Variants in EXOC2 observed in about 807,000 individuals in gnomAD.
EXOC2 encodes the protein SEC5-like 1.
EXOC2 carries 70 observed loss-of-function variants against 131.8 expected under a neutral mutation model. The observed-to-expected ratio is 0.53, with a 90% CI of 0.44 to 0.65. EXOC2 has a LOEUF of 0.65. Among genes scored for constraint, EXOC2 ranks in the 30% least tolerant of loss-of-function variants. The pLI is 0.00. For missense variants in EXOC2, 923 were observed against 1,108.6 expected, an observed-to-expected ratio of 0.83 and a Z score of 2.38; for synonymous variants, 411 against 398.4, an observed-to-expected ratio of 1.03 and a Z score of -0.38.
chr6:537,153 TGACCGACGGAGCGTACACTTGAGTTGAC>T (rs1184322088), intron 22 of EXOC2, among the ~76,000 whole-genome samples: 109 of 152,276 alleles, frequency 7.2e-4, no homozygotes, highest in African/African-American at 2.3e-3. Context: ...ACCGAGTTTA[TGACCGACGGAGCGTACACTTGAGTTGAC>T]GACCGACGGA....
chr6:661,293 C>T (rs935775665), intron 1 of EXOC2, among the ~76,000 whole-genome samples: 2 of 152,152 alleles, frequency 1.3e-5, no homozygotes, highest in African/African-American at 4.8e-5. Context: ...ACAAAGAACA[C>T]CTGGGAAATT....
intron 1 of EXOC2, among the ~76,000 whole-genome samples, chr6:659,301 A>C (rs1763305411): frequency 6.6e-6 from 1 of 152,222 alleles, no homozygotes; most frequent in Non-Finnish European, 1.5e-5. Flanking sequence ...CTAATGACGA[A>C]TCCTCTAGAG....
chr6:488,423 C>A (rs1763219278), intron 27 of EXOC2, among the ~76,000 whole-genome samples: 1 of 152,174 alleles, frequency 6.6e-6, no homozygotes, highest in South Asian at 2.1e-4. Flanking sequence ...GTTTCCTGTT[C>A]TATGAGTAGT....
chr6:651,993 T>A (rs866603978), intron 1 of EXOC2, among the ~76,000 whole-genome samples: 1 of 151,522 alleles, frequency 6.6e-6, no homozygotes, highest in Non-Finnish European at 1.5e-5. Flanking sequence ...GAGGCGAAGG[T>A]TGCAGTGAGC....
intron 22 of EXOC2, among the ~76,000 whole-genome samples, chr6:534,477 A>G (rs1220533953): frequency 6.6e-6 from 1 of 152,164 alleles, no homozygotes; most frequent in East Asian, 1.9e-4. Flanking sequence ...CTGACTTTCA[A>G]GCTTCTAGAT....
intron 1 of EXOC2, among the ~76,000 whole-genome samples, chr6:647,658 T>C (rs1350637853): frequency 2.2e-5 from 3 of 134,854 alleles, no homozygotes; most frequent in South Asian, 5.8e-4. Context: ...ACTGGGGCTC[T>C]GGCTCACTCT....
intron 11 of EXOC2, among the ~76,000 whole-genome samples, chr6:586,328 G>A (rs1243895391): frequency 6.6e-6 from 1 of 152,194 alleles, no homozygotes; most frequent in Non-Finnish European, 1.5e-5. Context: ...TCTGATGGGG[G>A]CACTGCGGGC....
rs114874381 is a variant in EXOC2 at position 651,014 on chromosome 6, T to C, written c.-43-13153A>G. 9.9e-3 allele frequency among the ~76,000 whole-genome samples: 1,439 copies of C among 145,730 alleles called. 10 individuals carry two copies. Among genetic ancestry groups the C allele is most frequent in the Non-Finnish European group, 0.015 (1,010 of 67,114 alleles). Reference sequence around the variant, plus strand: ...TGCAGATCTTATAACTTCCTCACTGTAGTAAGGCATGTGTTCTTTTTTTTT... The same window carrying C: ...TGCAGATCTTATAACTTCCTCACTGCAGTAAGGCATGTGTTCTTTTTTTTT... On this transcript the variant is annotated intron_variant, in intron 1 of 27. Transcript: ENST00000230449.
chr6:493,519 T>TA (rs1175327813), intron 25 of EXOC2, among the ~76,000 whole-genome samples: 2 of 152,236 alleles, frequency 1.3e-5, no homozygotes, highest in Non-Finnish European at 2.9e-5. Context: ...ATGCCAATTA[T>TA]AAAAACTGTG....
rs201586583 is a variant in EXOC2, at chr6:637,786, G to A, written c.33C>T (p.Thr11=). 171 of 1,613,562 alleles carry A rather than the reference G, an allele frequency of 1.1e-4. No individual in the cohort carries two copies. Among genetic ancestry groups the A allele is most frequent in the Middle Eastern group, 1.6e-4 (1 of 6,082 alleles). The change falls in exon 2 of 28, where the codon ACC becomes ACT. Residue 11 remains threonine (T), a synonymous_variant. Transcript: ENST00000230449. The part of the protein sequence containing the change: MSRSRQPPLV[T]GISPNEGIPW... ...GTATCCCTTCATTTGGAGAGATGCC[G>A]GTCACAAGGGGGGGTTGTCGTGATC...
chr6:642,520 A>G (rs540741628), intron 1 of EXOC2, among the ~76,000 whole-genome samples: 4 of 152,194 alleles, frequency 2.6e-5, no homozygotes, highest in Non-Finnish European at 5.9e-5. Flanking sequence ...ATTTTTTCCT[A>G]TCTCTTTATA....
rs762612776 is a variant in EXOC2 at position 532,552 on chromosome 6, A to C, written c.2297T>G (p.Leu766Trp). ...DQRLFENYIE[L>W]KADPIVGSLE... ...GGAGCCAACGATGGGATCTGCTTTC[A>C]ACTCGATGTAATTTTCAAAGAGTCT... The change falls in exon 23 of 28, where the codon TTG becomes TGG. Residue 766 changes from leucine (L) to tryptophan (W), a missense_variant. Physicochemically the swap from Leu to Trp is moderately conservative, Grantham distance 61. Transcript: ENST00000230449. 6.2e-7 allele frequency: 1 copy of C among 1,609,980 alleles called. No individual in the cohort carries two copies. The highest frequency in any genetic ancestry group is 1.7e-5 in the Admixed American group (1 of 58,996).
At chr6:488,021 A>C (rs370480719) in intron 27 of EXOC2, among the ~76,000 whole-genome samples, 3 of 152,218 alleles carry the variant, frequency 2.0e-5, no homozygotes, top group East Asian at 3.9e-4. Context: ...CAAATAGAGG[A>C]TGGAAGTTAG....
intron 1 of EXOC2, among the ~76,000 whole-genome samples, chr6:655,094 A>G (rs2127745222): frequency 6.6e-6 from 1 of 152,326 alleles, no homozygotes; most frequent in Non-Finnish European, 1.5e-5. Context: ...TAAAATACCC[A>G]AAGCATCCCA....
intron 10 of EXOC2, among the ~76,000 whole-genome samples, chr6:594,246 T>G (rs896802896): frequency 3.3e-5 from 5 of 152,204 alleles, no homozygotes; most frequent in African/African-American, 1.2e-4. Context: ...GATTCCAAAA[T>G]GCAGTCTGAT....
Position 485,538 on chromosome 6 carries a change from C to T in EXOC2, c.*1133G>A, listed in dbSNP as rs561343010. 4 of 152,164 alleles carry T rather than the reference C, an allele frequency of 2.6e-5. No individual in the cohort carries two copies. Among genetic ancestry groups the T allele is most frequent in the African/African-American group, 7.2e-5 (3 of 41,432 alleles). The allele number at this position is 152,164 out of a possible 1,614,324, so 9.4% of individuals were successfully genotyped here. A position where few individuals can be genotyped will look rare whatever the true frequency, so the allele number is the denominator to read the frequency against. The stretch of plus-strand genomic sequence containing the variant: ...TGACAAGCCGACTACAAAGAGAATT[C>T]CTCTCTGAAAATTTTCAGATGCGAC... On this transcript the variant is annotated 3_prime_UTR_variant, in exon 28 of 28. Coordinates refer to ENST00000230449, the MANE Select transcript of EXOC2 (RefSeq NM_018303.6).
chr6:514,051 C>T (rs1261004733), intron 23 of EXOC2, among the ~76,000 whole-genome samples: 1 of 152,202 alleles, frequency 6.6e-6, no homozygotes, highest in Non-Finnish European at 1.5e-5. Context: ...GCAGAAGTCC[C>T]AGTTTGTCAA....
intron 26 of EXOC2, 70 bp from the exon 27 acceptor site, chr6:489,108 C>T (rs568252578): frequency 1.4e-6 from 2 of 1,444,684 alleles, no homozygotes; most frequent in South Asian, 1.2e-5. Flanking sequence ...TCTTAAGCAT[C>T]CCTTAATTAT....
chr6:648,785 G>T (rs1266247338), intron 1 of EXOC2, among the ~76,000 whole-genome samples: 2 of 141,478 alleles, frequency 1.4e-5, no homozygotes, highest in Non-Finnish European at 3.0e-5. Context: ...GCAGTAGCGT[G>T]ACCACGGCTC....
Sources: gnomAD v4.1 joint callset for allele counts (sites outside exome capture counted in the v4.1 genomes callset) on GRCh38, gnomAD v4.1.1 for gene constraint, MANE v1.5 for transcripts, NCBI Gene and HGNC (gene_info 2026-07-23, HGNC 2026-07-21) for gene names.